The following GABRA4 variants were observed in gnomAD, a reference collection of about 807,000 sequenced individuals.
The protein encoded by GABRA4 is gamma-aminobutyric acid receptor subunit alpha-4.
Under a neutral mutation model 49.7 loss-of-function variants are expected in GABRA4, and 12 were observed. The observed-to-expected ratio is 0.24, with a 90% CI of 0.15 to 0.39. The LOEUF is 0.39. Ranked by LOEUF, GABRA4 falls within the 10% of genes least tolerant of loss-of-function variation. The pLI is 1.00. For missense variants in GABRA4, 506 were observed against 686.0 expected, an observed-to-expected ratio of 0.74 and a Z score of 2.93; for synonymous variants, 288 against 240.2, an observed-to-expected ratio of 1.20 and a Z score of -1.84.
intron 8 of GABRA4, among the ~76,000 whole-genome samples, chr4:46,946,294 C>T (rs545213919): frequency 1.3e-5 from 2 of 152,246 alleles, no homozygotes; most frequent in Admixed American, 1.3e-4. Context: ...CCTTCATTTC[C>T]TTCATTTAAG....
chr4:46,927,507 G>A lies in GABRA4; in HGVS notation c.*718C>T, dbSNP rs938306934. 1 of 152,406 alleles carries A rather than the reference G, an allele frequency of 6.6e-6. No individual in the cohort carries two copies. Among genetic ancestry groups the A allele is most frequent in the Non-Finnish European group, 1.5e-5 (1 of 67,972 alleles). The allele number at this position is 152,406 out of a possible 1,614,324, so 9.4% of individuals were successfully genotyped here. On this transcript the variant is annotated 3_prime_UTR_variant, in exon 9 of 9. Coordinates refer to ENST00000264318, the MANE Select transcript of GABRA4 (RefSeq NM_000809.4). The stretch of plus-strand genomic sequence containing the variant: ...TAGCATAGTTCCTGGAACACAGTAG[G>A]CTCTGAATAACTATGTAGTAAATAA...
chr4:46,932,786 C>A (rs1375231542), intron 8 of GABRA4, among the ~76,000 whole-genome samples: 1 of 152,062 alleles, frequency 6.6e-6, no homozygotes, highest in African/African-American at 2.4e-5. Flanking sequence ...AAAAAATTGC[C>A]TATACGTAGC....
At position 46,940,910 on chromosome 4, in the gene GABRA4, CTTT is replaced by C. The variant is rs557715612; in HGVS notation, c.1135-12158_1135-12156del. Among the ~76,000 whole-genome samples, 13 of 152,146 alleles carry C rather than the reference CTTT, an allele frequency of 8.5e-5. No homozygotes were observed. In the South Asian group the frequency reaches 2.7e-3, roughly 32 times the overall value. ...AAACAGCTGTTCATCCAAAGTGAAA[CTTT>C]TTTTAACTTTCTCTGAGTCTAGCTA... On this transcript the variant is annotated intron_variant, in intron 8 of 8. Coordinates refer to ENST00000264318, the MANE Select transcript of GABRA4 (RefSeq NM_000809.4).
At chr4:46,982,354 A>G (rs1420388309) in intron 2 of GABRA4, among the ~76,000 whole-genome samples, 3 of 152,030 alleles carry the variant, frequency 2.0e-5, no homozygotes, top group African/African-American at 7.2e-5. Flanking sequence ...CACTGTGACC[A>G]TATCAGAAGT....
chr4:46,993,044 G>T (rs1723826333), intron 1 of GABRA4, 98 bp from the exon 2 acceptor site: 6 of 945,764 alleles, frequency 6.3e-6, no homozygotes, highest in Non-Finnish European at 8.4e-6. Context: ...GGAAAGAGTC[G>T]CTTGCCCCAA....
In GABRA4 at chr4:46,993,368, G is replaced by T. The variant is rs1723851684; in HGVS notation, c.57C>A (p.Ala19=). Reference sequence around the variant, plus strand: ...CCGCCAGGCACAGGAAGCGCAGGAGGGCGAAACTGACCCCGGCGGACAGAG... The same window carrying T: ...CCGCCAGGCACAGGAAGCGCAGGAGTGCGAAACTGACCCCGGCGGACAGAG... The part of the protein sequence containing the change: ...AIALSAGVSF[A]LLRFLCLAVC... The change falls in exon 1 of 9, where the codon GCC becomes GCA. Residue 19 remains alanine, a synonymous_variant. Transcript: ENST00000264318. The T allele has an allele frequency of 6.2e-7, 1 of 1,614,210 alleles. No individual in the cohort carries two copies. The highest frequency in any genetic ancestry group is 1.3e-5 in the African/African-American group (1 of 75,056).
intron 8 of GABRA4, among the ~76,000 whole-genome samples, chr4:46,964,581 A>G (rs1258031903): frequency 6.6e-6 from 1 of 151,806 alleles, no homozygotes; most frequent in Non-Finnish European, 1.5e-5. Context: ...GCAATTTTTA[A>G]AGACACAAAC....
chr4:46,956,651 T>C (rs768692737), intron 8 of GABRA4, among the ~76,000 whole-genome samples: 10 of 152,148 alleles, frequency 6.6e-5, no homozygotes, highest in African/African-American at 4.8e-5. Context: ...GAATGAGTAT[T>C]TGCTGTCCTA....
rs1721192923 is a variant in GABRA4, at chr4:46,925,587, G to C, written c.*2638C>G. The C allele has an allele frequency of 2.0e-5, 3 of 151,768 alleles. No homozygotes were observed. The South Asian group carries it at 6.2e-4, about 32-fold the overall frequency. The allele number at this position is 151,768 out of a possible 1,614,324, so 9.4% of individuals were successfully genotyped here. ...TTCTGAGATTTTCTAAGAGGGAAAAGTGACTGGCTCTTTGCAAAAGTGTTT... is the reference window on the plus strand; with the variant it reads ...TTCTGAGATTTTCTAAGAGGGAAAACTGACTGGCTCTTTGCAAAAGTGTTT... On this transcript the variant is annotated 3_prime_UTR_variant, in exon 9 of 9. Transcript: ENST00000264318.
intron 8 of GABRA4, among the ~76,000 whole-genome samples, chr4:46,958,432 A>T (rs1722441113): frequency 6.6e-6 from 1 of 151,956 alleles, no homozygotes; most frequent in African/African-American, 2.4e-5. Context: ...ATTTTTAAAA[A>T]TATCATTTCA....
intron 2 of GABRA4, among the ~76,000 whole-genome samples, chr4:46,984,435 T>G (rs1577795221): frequency 6.6e-6 from 1 of 152,046 alleles, no homozygotes; most frequent in African/African-American, 2.4e-5. Context: ...GAGATACCCA[T>G]TGATATCACT....
chr4:46,978,462 A>G (rs1723224296), intron 3 of GABRA4, among the ~76,000 whole-genome samples: 1 of 151,692 alleles, frequency 6.6e-6, no homozygotes, highest in Admixed American at 6.6e-5. Context: ...CTAAGGTGAG[A>G]GGATCACCTG....
At chr4:46,992,748 G>T in intron 2 of GABRA4, 80 bp downstream of exon 2, 1 of 1,009,868 alleles carries the variant, frequency 9.9e-7, no homozygotes, top group Non-Finnish European at 1.6e-6. Flanking sequence ...CATACCTAAT[G>T]ATATTCCCAC....
chr4:46,974,806 G>T (rs188715389), intron 5 of GABRA4, among the ~76,000 whole-genome samples: 7 of 151,954 alleles, frequency 4.6e-5, no homozygotes, highest in Non-Finnish European at 1.0e-4. Flanking sequence ...TAGAAATGCT[G>T]CCTGTAATAA....
chr4:46,935,000 A>T (rs1394194887), intron 8 of GABRA4, among the ~76,000 whole-genome samples: 2 of 152,350 alleles, frequency 1.3e-5, no homozygotes, highest in East Asian at 1.9e-4. Context: ...AAATACAGAT[A>T]CTATGCTAGA....
chr4:46,993,062 G>T, intron 1 of GABRA4, 116 bp from the exon 2 acceptor site: 2 of 833,054 alleles, frequency 2.4e-6, no homozygotes, highest in East Asian at 2.5e-5. Flanking sequence ...CAAGCTAAAG[G>T]AGAGGAGGTT....
chr4:46,991,169 G>A (rs1441484249), intron 2 of GABRA4, among the ~76,000 whole-genome samples: 1 of 151,136 alleles, frequency 6.6e-6, no homozygotes, highest in East Asian at 2.0e-4. Context: ...CTGAGTGACA[G>A]AGCGAGACTC....
At chr4:46,956,528 G>A (rs757555191) in intron 8 of GABRA4, among the ~76,000 whole-genome samples, 9 of 151,896 alleles carry the variant, frequency 5.9e-5, no homozygotes, top group Non-Finnish European at 1.3e-4. Flanking sequence ...AGCTGTTTGC[G>A]TAGATTTGCC....
At chr4:46,950,743 A>AT (rs1418355494) in intron 8 of GABRA4, among the ~76,000 whole-genome samples, 1,533 of 151,420 alleles carry the variant, frequency 0.01, 16 homozygotes, top group South Asian at 0.041. Context: ...AAATAAATAA[A>AT]TAAATTACTA....
Sources: gnomAD v4.1 joint callset for allele counts (sites outside exome capture counted in the v4.1 genomes callset) on GRCh38, gnomAD v4.1.1 for gene constraint, MANE v1.5 for transcripts, NCBI Gene and HGNC (gene_info 2026-07-23, HGNC 2026-07-21) for gene names.